Variants in DNAH14 observed in about 807,000 individuals in gnomAD.
DNAH14 encodes axonemal beta dynein heavy chain 14.
DNAH14 carries 478 observed loss-of-function variants against 520.9 expected under a neutral mutation model. That is an observed-to-expected ratio of 0.92 (90% CI 0.85 to 0.99). The LOEUF is 0.99. Ranked by LOEUF, DNAH14 falls within the 50% of genes least tolerant of loss-of-function variation. The pLI is 0.00. For missense variants in DNAH14, 4,831 were observed against 5,234.5 expected (o/e 0.92, Z 2.38); for synonymous variants, 1,581 against 1,757.2 (o/e 0.90, Z 2.51).
intron 1 of DNAH14, among the ~76,000 whole-genome samples, chr1:224,946,192 A>G (rs1265525605): frequency 2.0e-5 from 3 of 152,076 alleles, no homozygotes; most frequent in Non-Finnish European, 2.9e-5. Flanking sequence ...TTTGGCAATT[A>G]TGGGCGCCCC....
At chr1:225,166,033 AT>A (rs35375371) in intron 35 of DNAH14, among the ~76,000 whole-genome samples, 19,412 of 151,298 alleles carry the variant, frequency 0.13, 1,394 homozygotes, top group East Asian at 0.31. Flanking sequence ...GAGAATTTTC[AT>A]TTTTTTTTAA....
At chr1:225,140,582 A>G in intron 27 of DNAH14, 186 bp from the exon 28 acceptor site, 1 of 512,088 alleles carries the variant, frequency 2.0e-6, no homozygotes, top group South Asian at 3.7e-5. Context: ...GGCCCCCATA[A>G]GCATCAATCA....
Position 224,967,405 on chromosome 1 carries a change from GT to G in DNAH14, c.499-23del, listed in dbSNP as rs761784985. 2.7e-6 allele frequency: 4 copies of G among 1,465,420 alleles called. No homozygotes were observed. The African/African-American group carries it at 4.4e-5, about 16-fold the overall frequency. The allele number at this position is 1,465,420 out of a possible 1,614,324, so 90.8% of individuals were successfully genotyped here. A position where few individuals can be genotyped will look rare whatever the true frequency, so the allele number is the denominator to read the frequency against. ...TAATTTAGTCAAATTAATTAAATTT[GT>G]TTATTATTTTTTTTTTAATCTCAGA... On this transcript the variant is annotated intron_variant, in intron 5 of 85. Transcript: ENST00000682510.
intron 69 of DNAH14, among the ~76,000 whole-genome samples, chr1:225,344,974 A>C (rs2095264816): frequency 6.6e-6 from 1 of 152,060 alleles, no homozygotes; most frequent in Non-Finnish European, 1.5e-5. Context: ...GGGCCTCCCA[A>C]AGTGCTGAGA....
intron 31 of DNAH14, 122 bp downstream of exon 31, chr1:225,147,371 A>G (rs571773724): frequency 3.6e-5 from 36 of 1,003,362 alleles, no homozygotes; most frequent in Non-Finnish European, 4.4e-5. Flanking sequence ...TTTTTTTTTA[A>G]AGCACATACC....
At position 225,079,419 on chromosome 1, in the gene DNAH14, G is replaced by T; in HGVS notation, c.2637G>T (p.Lys879Asn). Reference sequence around the variant, plus strand: ...CCATATTCCAAGTTCTTCTTCTTAAGTTTAGTCAACTAAAATCATCTATGA... The same window carrying T: ...CCATATTCCAAGTTCTTCTTCTTAATTTTAGTCAACTAAAATCATCTATGA... ...QIAIFQVLLL[K>N]FSQLKSSMKL... The change falls in exon 18 of 86, where the codon AAG (lysine) becomes AAT (asparagine). Residue 879 changes from lysine to asparagine, a missense_variant. By Grantham distance (94) the Lys-to-Asn change is moderately conservative. Coordinates refer to ENST00000682510, the MANE Select transcript of DNAH14 (RefSeq NM_001367479.1). 6.5e-7 allele frequency: 1 copy of T among 1,549,904 alleles called. No homozygotes were observed.
chr1:225,034,188 A>G (rs779454080), intron 11 of DNAH14, among the ~76,000 whole-genome samples: 3 of 152,030 alleles, frequency 2.0e-5, no homozygotes, highest in Non-Finnish European at 2.9e-5. Flanking sequence ...GTATAATGTT[A>G]GCTGTGGGTT....
At chr1:225,347,187 A>G (rs1485625097) in intron 71 of DNAH14, among the ~76,000 whole-genome samples, 3 of 152,184 alleles carry the variant, frequency 2.0e-5, no homozygotes, top group African/African-American at 2.4e-5. Flanking sequence ...GCTGTGTTGT[A>G]AGTTTTAAGT....
intron 44 of DNAH14, among the ~76,000 whole-genome samples, chr1:225,257,164 A>G (rs1296075415): frequency 6.6e-6 from 1 of 152,230 alleles, no homozygotes; most frequent in Admixed American, 6.5e-5. Flanking sequence ...CCAGTCCACC[A>G]TAGACTGCAT....
chr1:225,057,802 G>A (rs748043609), intron 17 of DNAH14, among the ~76,000 whole-genome samples: 25 of 152,168 alleles, frequency 1.6e-4, no homozygotes, highest in African/African-American at 2.6e-4. Flanking sequence ...GGTTTTTGTC[G>A]TTGGTTCTGT....
intron 55 of DNAH14, among the ~76,000 whole-genome samples, chr1:225,293,237 G>A (rs541147306): frequency 3.9e-5 from 6 of 152,284 alleles, no homozygotes; most frequent in African/African-American, 1.4e-4. Flanking sequence ...GTGTAAATTG[G>A]TTCAGCCACT....
Position 224,955,075 on chromosome 1 carries a change from C to T in DNAH14, c.194C>T (p.Ser65Phe), listed in dbSNP as rs763683218. ...AAAACAGTTAGAACATTCTCTGAATCTTTGAAGTCAGAGAAAACAGAAGGT... is the reference window on the plus strand; with the variant it reads ...AAAACAGTTAGAACATTCTCTGAATTTTTGAAGTCAGAGAAAACAGAAGGT... ...EYKTVRTFSESLKSEKTEDYL... is the reference protein window; with the variant it reads ...EYKTVRTFSEFLKSEKTEDYL... The change falls in exon 3 of 86, where the codon TCT becomes TTT. Residue 65 changes from serine to phenylalanine, a missense_variant. By Grantham distance (155) the Ser-to-Phe change is radical. Coordinates refer to ENST00000682510, the MANE Select transcript of DNAH14 (RefSeq NM_001367479.1). The T allele has an allele frequency of 6.2e-7, 1 of 1,609,508 alleles. No homozygotes were observed. Among genetic ancestry groups the T allele is most frequent in the East Asian group, 2.2e-5 (1 of 44,594 alleles).
rs2091918813 is a variant in DNAH14, at chr1:225,240,789, G to A, written c.6715G>A (p.Val2239Ile). Reference sequence around the variant, plus strand: ...AGTAACATACGATTTTGACAAACTTGTTCATGAATTATTTGGAAACAGTTC... The same window carrying A: ...AGTAACATACGATTTTGACAAACTTATTCATGAATTATTTGGAAACAGTTC... ...AKVTYDFDKLVHELFGNSSQV... is the reference protein window; with the variant it reads ...AKVTYDFDKLIHELFGNSSQV... Residue 2239 changes from valine to isoleucine, a missense_variant, in exon 43 of 86, where the codon GTT (valine) becomes ATT (isoleucine). Physicochemically the swap from Val to Ile is conservative, Grantham distance 29. Transcript: ENST00000682510. The A allele has an allele frequency of 6.5e-7, 1 of 1,549,716 alleles. No individual in the cohort carries two copies. Among genetic ancestry groups the A allele is most frequent in the South Asian group, 1.2e-5 (1 of 83,854 alleles).
chr1:225,060,489 C>T (rs972567232), intron 17 of DNAH14, among the ~76,000 whole-genome samples: 2 of 152,028 alleles, frequency 1.3e-5, no homozygotes, highest in South Asian at 2.1e-4. Context: ...GTAGTTTGAT[C>T]GTCTGAAGCC....
rs1018924423 is a variant in DNAH14 at position 225,387,860 on chromosome 1, G to A, written c.13078-519G>A. On this transcript the variant is annotated intron_variant, in intron 81 of 85. Transcript: ENST00000682510. The stretch of plus-strand genomic sequence containing the variant: ...TTGCAACAAACAGGTAGGATTGAGT[G>A]TTGGGTGGTTTGTGCAGTTAAGATG... Among the ~76,000 whole-genome samples, 6 of 152,300 alleles carry A rather than the reference G, an allele frequency of 3.9e-5. No homozygotes were observed. The East Asian group carries it at 1.2e-3, about 29-fold the overall frequency.
intron 60 of DNAH14, among the ~76,000 whole-genome samples, chr1:225,314,966 G>A (rs2094440333): frequency 6.6e-6 from 1 of 152,072 alleles, no homozygotes; most frequent in Admixed American, 6.5e-5. Flanking sequence ...TGTATTTCCT[G>A]GATTTGAATG....
chr1:225,034,754 C>T (rs1366817054), intron 11 of DNAH14, among the ~76,000 whole-genome samples: 2 of 151,980 alleles, frequency 1.3e-5, no homozygotes, highest in Admixed American at 6.6e-5. Flanking sequence ...TTTTAGAGCT[C>T]ATTATTGGGC....
chr1:225,164,821 A>T (rs1484221836), intron 35 of DNAH14, among the ~76,000 whole-genome samples: 1 of 152,178 alleles, frequency 6.6e-6, no homozygotes, highest in Admixed American at 6.5e-5. Context: ...GATGCTATGT[A>T]GAATTATAAT....
In DNAH14 at chr1:225,271,906, G is replaced by A. The variant is rs1288376174; in HGVS notation, c.7672G>A (p.Ala2558Thr). The A allele has an allele frequency of 2.7e-5, 41 of 1,539,096 alleles. No individual in the cohort carries two copies. The highest frequency in any genetic ancestry group is 3.4e-5 in the Non-Finnish European group (39 of 1,143,660). ...TAAATTATAACATTTCTTTTTAAAG[G>A]CTCATTTGGGAATTTATTTCTCCAT... ...SQDILCTIFQ[A>T]HLGIYFSINN... is the part of the protein sequence containing the mutation. The change falls in exon 51 of 86, where the codon GCT (alanine) becomes ACT (threonine). Residue 2558 changes from alanine to threonine, a missense_variant and splice_region_variant. Transcript: ENST00000682510.
Sources: gnomAD v4.1 joint callset for allele counts (sites outside exome capture counted in the v4.1 genomes callset) on GRCh38, gnomAD v4.1.1 for gene constraint, MANE v1.5 for transcripts, NCBI Gene and HGNC (gene_info 2026-07-23, HGNC 2026-07-21) for gene names.